Variants in ABCG4 observed in about 807,000 individuals in gnomAD.
ABCG4 encodes ATP binding cassette subfamily G member 4.
A neutral mutation model predicts 64.6 loss-of-function variants in ABCG4; 35 were observed. The observed-to-expected ratio is 0.54, with a 90% CI of 0.41 to 0.72. ABCG4 has a LOEUF of 0.72. Ranked by LOEUF, ABCG4 falls within the 30% of genes least tolerant of loss-of-function variation. The probability of loss-of-function intolerance (pLI) is 0.00; values close to 1 mark genes in which losing one functional copy is unlikely to be tolerated. For missense variants in ABCG4, 610 were observed against 846.3 expected (o/e 0.72, Z 3.46); for synonymous variants, 326 against 348.2 (o/e 0.94, Z 0.71).
intron 2 of ABCG4, chr11:119,153,819 T>A: frequency 1.7e-6 from 1 of 582,352 alleles, no homozygotes; most frequent in Admixed American, 3.0e-5. Context: ...CCTCTGGTAC[T>A]TTGATATTAG....
At position 119,154,756 on chromosome 11, in the gene ABCG4, T is replaced by TG; in HGVS notation, c.541-10dup. 2 of 1,601,796 alleles carry TG rather than the reference T, an allele frequency of 1.2e-6. No individual in the cohort carries two copies. The highest frequency in any genetic ancestry group is 1.7e-6 in the Non-Finnish European group (2 of 1,171,302). ...GACTCCGAAGCTGACCTGGCATGGGTGGGGTGGGGCCAGGTGACAGAGATC... is the reference window on the plus strand; with the variant it reads ...GACTCCGAAGCTGACCTGGCATGGGTGGGGGTGGGGCCAGGTGACAGAGATC... On this transcript the variant is annotated splice_polypyrimidine_tract_variant and intron_variant, in intron 5 of 14. Transcript: ENST00000619701. This position sits in a 1 kb window ranked among gnomAD's most constrained non-coding sequence, Gnocchi z 7.0.
Position 119,156,359 on chromosome 11 carries a change from G to A in ABCG4, c.717G>A (p.Val239=). ...SGLDSASCFQ[V]VSLMKSLAQG... is the part of the protein sequence containing the mutation. ...TGGATAGCGCCTCTTGTTTCCAAGT[G>A]GTGTCCCTCATGAAGTCCCTGGCAC... The change falls in exon 7 of 15, where the codon GTG becomes GTA. Residue 239 remains valine (V), a synonymous_variant. Coordinates refer to ENST00000619701, the MANE Select transcript of ABCG4 (RefSeq NM_022169.5). The surrounding 1 kb of genome is among the most constrained non-coding windows in gnomAD (Gnocchi z 5.5). 6.2e-7 allele frequency: 1 copy of A among 1,614,136 alleles called. No individual in the cohort carries two copies. Among genetic ancestry groups the A allele is most frequent in the Non-Finnish European group, 8.5e-7 (1 of 1,180,030 alleles).
Position 119,150,336 on chromosome 11 carries a change from C to G in ABCG4, c.238+133C>G, listed in dbSNP as rs964315599. 7.7e-7 allele frequency: 1 copy of G among 1,299,956 alleles called. No homozygotes were observed. The highest frequency in any genetic ancestry group is 1.1e-6 in the Non-Finnish European group (1 of 950,746). The allele number at this position is 1,299,956 out of a possible 1,614,324, so 80.5% of individuals were successfully genotyped here. ...CTGTGGAAACACTAAAATCTGGGCCCCAGCCCGTTGCTCACTGTGCACTCT... is the reference window on the plus strand; with the variant it reads ...CTGTGGAAACACTAAAATCTGGGCCGCAGCCCGTTGCTCACTGTGCACTCT... On this transcript the variant is annotated intron_variant, in intron 2 of 14. Transcript: ENST00000619701. The surrounding 1 kb of genome is among the most constrained non-coding windows in gnomAD (Gnocchi z 4.3).
At position 119,161,163 on chromosome 11, in the gene ABCG4, C is replaced by G. The variant is rs1191631191; in HGVS notation, c.*57C>G. ...CAGCAGGAAGCCCCCAGTCCCAGCCCTTTGGGACTGTTTTAACCTTATAGA... is the reference window on the plus strand; with the variant it reads ...CAGCAGGAAGCCCCCAGTCCCAGCCGTTTGGGACTGTTTTAACCTTATAGA... On this transcript the variant is annotated 3_prime_UTR_variant, in exon 15 of 15. Transcript: ENST00000619701. 5 of 1,511,330 alleles carry G rather than the reference C, an allele frequency of 3.3e-6. No individual in the cohort carries two copies. In the Admixed American group the frequency reaches 7.2e-5, roughly 22 times the overall value. 93.6% of individuals were successfully genotyped at this position (1,511,330 alleles called of 1,614,324 possible). A position where few individuals can be genotyped will look rare whatever the true frequency, so the allele number is the denominator to read the frequency against.
intron 9 of ABCG4, 80 bp downstream of exon 9, chr11:119,157,094 G>T: frequency 6.6e-7 from 1 of 1,513,492 alleles, no homozygotes; most frequent in Non-Finnish European, 8.8e-7. Context: ...TGCCAAAGAG[G>T]CTGTTCCCCA....
rs750712652 is a variant in ABCG4, at chr11:119,154,060, A to C, written c.273A>C (p.Lys91Asn). ...CCCTTCTCAAGTGCCTCTCAGGTAA[A>C]TTCTGCCGCCGGGAGCTGATTGGCA... ...YKTLLKCLSG[K>N]FCRRELIGIM... The change falls in exon 3 of 15, where the codon AAA becomes AAC. Residue 91 changes from lysine to asparagine, a missense_variant. Lys to Asn is a moderately conservative substitution (Grantham distance 94, BLOSUM62 0). Transcript: ENST00000619701. This position sits in a 1 kb window ranked among gnomAD's most constrained non-coding sequence, Gnocchi z 7.0. 6.2e-7 allele frequency: 1 copy of C among 1,614,062 alleles called. No individual in the cohort carries two copies. Among genetic ancestry groups the C allele is most frequent in the Non-Finnish European group, 8.5e-7 (1 of 1,180,042 alleles).
rs754911669 is a variant in ABCG4, at chr11:119,156,625, A to G, written c.872A>G (p.Tyr291Cys). Residue 291 changes from tyrosine (Y) to cysteine (C), a missense_variant, in exon 8 of 15, where the codon TAT (tyrosine) becomes TGT (cysteine). By Grantham distance (194) the Tyr-to-Cys change is radical. Transcript: ENST00000619701. The surrounding 1 kb of genome is among the most constrained non-coding windows in gnomAD (Gnocchi z 5.5). ...GGCGTGGTCACCAACCTGATCCCCT[A>G]TCTAAAGGGACTCGGCTTGCATTGC... ...FKGVVTNLIP[Y>C]LKGLGLHCPT... The G allele has an allele frequency of 4.3e-6, 7 of 1,614,100 alleles. No individual in the cohort carries two copies. The highest frequency in any genetic ancestry group is 5.9e-6 in the Non-Finnish European group (7 of 1,180,014).
At position 119,154,968 on chromosome 11, in the gene ABCG4, G is replaced by T; in HGVS notation, c.686+53G>T. 6.4e-7 allele frequency: 1 copy of T among 1,563,474 alleles called. No individual in the cohort carries two copies. The highest frequency in any genetic ancestry group is 1.2e-5 in the South Asian group (1 of 84,144). On this transcript the variant is annotated intron_variant, in intron 6 of 14. Transcript: ENST00000619701. This position sits in a 1 kb window ranked among gnomAD's most constrained non-coding sequence, Gnocchi z 7.0. ...GATACCCCTCTCCTCTCGGCCCTGA[G>T]CCAGGGCTGGAGGCTGCATCTTCTC...
At position 119,160,628 on chromosome 11, in the gene ABCG4, C is replaced by G. The variant is rs1371863138; in HGVS notation, c.1687C>G (p.Gln563Glu). The G allele has an allele frequency of 6.2e-7, 1 of 1,613,606 alleles. No individual in the cohort carries two copies. The highest frequency in any genetic ancestry group is 1.7e-5 in the Admixed American group (1 of 59,988). Reference sequence around the variant, plus strand: ...CTTCAAGACCATCCCCACTTACCTGCAATGGAGCTCCTATCTCTCCTATGT... The same window carrying G: ...CTTCAAGACCATCCCCACTTACCTGGAATGGAGCTCCTATCTCTCCTATGT... ...VSFKTIPTYL[Q>E]WSSYLSYVRY... Residue 563 changes from glutamine to glutamate, a missense_variant, in exon 14 of 15, where the codon CAA becomes GAA. Coordinates refer to ENST00000619701, the MANE Select transcript of ABCG4 (RefSeq NM_022169.5). The surrounding 1 kb of genome is among the most constrained non-coding windows in gnomAD (Gnocchi z 4.6).
Position 119,154,699 on chromosome 11 carries a change from T to G in ABCG4, c.541-71T>G. The stretch of plus-strand genomic sequence containing the variant: ...ACAATGCACTTAAGGGAGATGCTTT[T>G]TGAAGCTGGGGTGGTGCCTGGGGGA... On this transcript the variant is annotated intron_variant, in intron 5 of 14. Transcript: ENST00000619701. This position sits in a 1 kb window ranked among gnomAD's most constrained non-coding sequence, Gnocchi z 7.0. 1 of 1,586,268 alleles carries G rather than the reference T, an allele frequency of 6.3e-7. No homozygotes were observed. The highest frequency in any genetic ancestry group is 1.3e-5 in the African/African-American group (1 of 74,382).
Position 119,149,733 on chromosome 11 carries a change from G to A in ABCG4, c.-12-221G>A. ...CGCCGGGAGGAAGGAGCGATTGAGG[G>A]CTTCAAGGGGACGGGCTGGGGTCAG... On this transcript the variant is annotated intron_variant, in intron 1 of 14. Coordinates refer to ENST00000619701, the MANE Select transcript of ABCG4 (RefSeq NM_022169.5). The surrounding 1 kb of genome is among the most constrained non-coding windows in gnomAD (Gnocchi z 8.3). 1 of 643,428 alleles carries A rather than the reference G, an allele frequency of 1.6e-6. No homozygotes were observed. Among genetic ancestry groups the A allele is most frequent in the Non-Finnish European group, 2.6e-6 (1 of 387,734 alleles). The allele number at this position is 643,428 out of a possible 1,614,324, so 39.9% of individuals were successfully genotyped here.
At position 119,160,775 on chromosome 11, in the gene ABCG4, C is replaced by T. The variant is rs1948338381; in HGVS notation, c.1716-106C>T. ...CCATTATCCTTTGGGCAGGGGCACC[C>T]TGGCTGCACCCCAGGGATGACAGCA... On this transcript the variant is annotated intron_variant, in intron 14 of 14. Transcript: ENST00000619701. The surrounding 1 kb of genome is among the most constrained non-coding windows in gnomAD (Gnocchi z 4.6). The T allele has an allele frequency of 5.3e-6, 8 of 1,496,756 alleles. No homozygotes were observed. The highest frequency in any genetic ancestry group is 7.4e-6 in the Non-Finnish European group (8 of 1,083,018). The allele number at this position is 1,496,756 out of a possible 1,614,324, so 92.7% of individuals were successfully genotyped here.
At position 119,158,938 on chromosome 11, in the gene ABCG4, C is replaced by T. The variant is rs1436077899; in HGVS notation, c.1437+9C>T. On this transcript the variant is annotated intron_variant, in intron 12 of 14. Transcript: ENST00000619701. The surrounding 1 kb of genome is among the most constrained non-coding windows in gnomAD (Gnocchi z 4.5). ...CTGACGTGCCCTTTCAGGTGGGCCT[C>T]TTCCTCCCACCTGCCCACTGCCTCC... is the stretch of plus-strand genomic sequence containing the variant. 1.2e-6 allele frequency: 2 copies of T among 1,612,708 alleles called. No individual in the cohort carries two copies. The highest frequency in any genetic ancestry group is 1.1e-5 in the South Asian group (1 of 91,040).
rs534904151 is a variant in ABCG4 at position 119,158,132 on chromosome 11, T to C, written c.1069-102T>C. The C allele has an allele frequency of 6.4e-6, 6 of 937,026 alleles. No individual in the cohort carries two copies. The highest frequency in any genetic ancestry group is 9.7e-6 in the Non-Finnish European group (6 of 616,592). 58.0% of individuals were successfully genotyped at this position (937,026 alleles called of 1,614,324 possible). A position where few individuals can be genotyped will look rare whatever the true frequency, so the allele number is the denominator to read the frequency against. ...ATTCTCTGTAGACCTGGAGGACCCCTACCCTGGGGAAGAGCTCTGAGGTTT... is the reference window on the plus strand; with the variant it reads ...ATTCTCTGTAGACCTGGAGGACCCCCACCCTGGGGAAGAGCTCTGAGGTTT... On this transcript the variant is annotated intron_variant, in intron 9 of 14. Transcript: ENST00000619701. This position sits in a 1 kb window ranked among gnomAD's most constrained non-coding sequence, Gnocchi z 4.5.
chr11:119,154,652 G>A lies in ABCG4; in HGVS notation c.540+77G>A. 2 of 1,600,158 alleles carry A rather than the reference G, an allele frequency of 1.2e-6. No individual in the cohort carries two copies. Among genetic ancestry groups the A allele is most frequent in the Non-Finnish European group, 1.7e-6 (2 of 1,173,414 alleles). On this transcript the variant is annotated intron_variant, in intron 5 of 14. Coordinates refer to ENST00000619701, the MANE Select transcript of ABCG4 (RefSeq NM_022169.5). The surrounding 1 kb of genome is among the most constrained non-coding windows in gnomAD (Gnocchi z 7.0). ...GCTCAAGGCCCCGAGCTGGGAGTGGGAGAGTGGTGGCCTAGGCCGAGACAA... is the reference window on the plus strand; with the variant it reads ...GCTCAAGGCCCCGAGCTGGGAGTGGAAGAGTGGTGGCCTAGGCCGAGACAA...
Position 119,154,720 on chromosome 11 carries a change from GGGGAAGCAGA to G in ABCG4, c.541-48_541-39del. Reference sequence around the variant, plus strand: ...CTTTTTGAAGCTGGGGTGGTGCCTGGGGGAAGCAGAGACTCCGAAGCTGACCTGGCATGGG... The same window carrying G: ...CTTTTTGAAGCTGGGGTGGTGCCTGGGACTCCGAAGCTGACCTGGCATGGG... On this transcript the variant is annotated intron_variant, in intron 5 of 14. Transcript: ENST00000619701. The surrounding 1 kb of genome is among the most constrained non-coding windows in gnomAD (Gnocchi z 7.0). The G allele has an allele frequency of 6.3e-7, 1 of 1,592,302 alleles. No individual in the cohort carries two copies. The highest frequency in any genetic ancestry group is 1.7e-4 in the Middle Eastern group (1 of 5,808).
At position 119,158,801 on chromosome 11, in the gene ABCG4, G is replaced by T. The variant is rs771452358; in HGVS notation, c.1337-28G>T. 6.2e-7 allele frequency: 1 copy of T among 1,614,092 alleles called. No individual in the cohort carries two copies. The highest frequency in any genetic ancestry group is 1.1e-5 in the South Asian group (1 of 91,090). ...GGGGCAGGGGCCAGGGTGTCGGCCG[G>T]GTGTGCCTAAGCAGCCTGTGTCCTC... On this transcript the variant is annotated intron_variant, in intron 11 of 14. Coordinates refer to ENST00000619701, the MANE Select transcript of ABCG4 (RefSeq NM_022169.5). The surrounding 1 kb of genome is among the most constrained non-coding windows in gnomAD (Gnocchi z 4.5).
In ABCG4 at chr11:119,160,849, C is replaced by T; in HGVS notation, c.1716-32C>T. On this transcript the variant is annotated intron_variant, in intron 14 of 14. Transcript: ENST00000619701. This position sits in a 1 kb window ranked among gnomAD's most constrained non-coding sequence, Gnocchi z 4.6. ...TCTCAGAGAGCAGGGACCCTGTGTGCTGTATCCCATCTGATATCCCTGCCT... is the reference window on the plus strand; with the variant it reads ...TCTCAGAGAGCAGGGACCCTGTGTGTTGTATCCCATCTGATATCCCTGCCT... The T allele has an allele frequency of 6.3e-7, 1 of 1,599,588 alleles. No homozygotes were observed. The highest frequency in any genetic ancestry group is 8.6e-7 in the Non-Finnish European group (1 of 1,168,898).
In ABCG4 at chr11:119,154,544, T is replaced by C; in HGVS notation, c.509T>C (p.Leu170Pro). Reference sequence around the variant, plus strand: ...CCCCAGGTCTCTGCTAACCTGAAGCTGAGTGAGAAGCAGGAGGTGAAGAAG... The same window carrying C: ...CCCCAGGTCTCTGCTAACCTGAAGCCGAGTGAGAAGCAGGAGGTGAAGAAG... Reference protein sequence around the residue: ...EAMMVSANLKLSEKQEVKKEL... With the variant: ...EAMMVSANLKPSEKQEVKKEL... Residue 170 changes from leucine (L) to proline (P), a missense_variant, in exon 5 of 15, where the codon CTG becomes CCG. By Grantham distance (98) the Leu-to-Pro change is moderately conservative. Transcript: ENST00000619701. The surrounding 1 kb of genome is among the most constrained non-coding windows in gnomAD (Gnocchi z 7.0). 6.2e-7 allele frequency: 1 copy of C among 1,613,650 alleles called. No homozygotes were observed. Among genetic ancestry groups the C allele is most frequent in the Non-Finnish European group, 8.5e-7 (1 of 1,179,882 alleles).
Sources: gnomAD v4.1 joint callset for allele counts on GRCh38, gnomAD v4.1.1 for gene constraint, Gnocchi (gnomAD v3.1) non-coding constraint, MANE v1.5 for transcripts, NCBI Gene and HGNC (gene_info 2026-07-23, HGNC 2026-07-21) for gene names.